Variants in RPS6KC1 observed in about 807,000 individuals in gnomAD.
RPS6KC1 encodes ribosomal protein S6 kinase C1.
RPS6KC1 carries 54 observed loss-of-function variants against 103.8 expected under a neutral mutation model. The observed-to-expected ratio is 0.52, with a 90% CI of 0.42 to 0.65. RPS6KC1 has a LOEUF of 0.65. Ranked by LOEUF, RPS6KC1 falls within the 30% of genes least tolerant of loss-of-function variation. RPS6KC1 has a pLI of 0.00. For synonymous variants in RPS6KC1, 439 were observed against 438.7 expected (o/e 1.00, Z -0.01); for missense variants, 1,151 against 1,253.8 (o/e 0.92, Z 1.24).
chr1:213,353,358 C>T, the RPS6KC1 span, among the ~76,000 whole-genome samples: 1 of 152,226 alleles, frequency 6.6e-6, no homozygotes, highest in Admixed American at 6.5e-5. Context: ...CATATCTTAG[C>T]TCCTTTGATC....
intron 4 of RPS6KC1, among the ~76,000 whole-genome samples, chr1:213,115,570 T>C (rs923732990): frequency 2.7e-4 from 41 of 152,228 alleles, no homozygotes; most frequent in African/African-American, 6.5e-4. Flanking sequence ...CTGCTCTGAT[T>C]TTAGTTATTT....
chr1:213,492,142 T>C, the RPS6KC1 span, among the ~76,000 whole-genome samples: 1 of 152,192 alleles, frequency 6.6e-6, no homozygotes, highest in Non-Finnish European at 1.5e-5. Context: ...CACCATTGTG[T>C]GCATAGAGGA....
chr1:213,448,740 T>C, the RPS6KC1 span, among the ~76,000 whole-genome samples: 3 of 145,700 alleles, frequency 2.1e-5, no homozygotes, highest in African/African-American at 7.7e-5. Flanking sequence ...TCAATCTCCA[T>C]CTCTTGGAGC....
chr1:213,620,859 G>A, the RPS6KC1 span, among the ~76,000 whole-genome samples: 1 of 152,098 alleles, frequency 6.6e-6, no homozygotes, highest in Non-Finnish European at 1.5e-5. Context: ...TAGGGAGGCC[G>A]TACTTACTAA....
the RPS6KC1 span, among the ~76,000 whole-genome samples, chr1:213,756,720 G>A: frequency 1.3e-5 from 2 of 151,948 alleles, no homozygotes; most frequent in Non-Finnish European, 2.9e-5. Flanking sequence ...GGGCTCAAGC[G>A]ATCCTCTCAC....
At chr1:213,188,339 A>G (rs538110156) in intron 8 of RPS6KC1, among the ~76,000 whole-genome samples, 6 of 152,044 alleles carry the variant, frequency 3.9e-5, no homozygotes, top group Non-Finnish European at 2.9e-5. Flanking sequence ...GCTTGGTGCC[A>G]GGCAGAATGG....
the RPS6KC1 span, among the ~76,000 whole-genome samples, chr1:213,750,683 A>G: frequency 6.6e-6 from 1 of 152,170 alleles, no homozygotes; most frequent in Non-Finnish European, 1.5e-5. Flanking sequence ...CAGGGCATCC[A>G]GGTAGAGATT....
At chr1:213,735,122 A>G in the RPS6KC1 span, among the ~76,000 whole-genome samples, 1 of 152,144 alleles carries the variant, frequency 6.6e-6, no homozygotes, top group African/African-American at 2.4e-5. Flanking sequence ...ATGGGGTTTC[A>G]CAGTGTTAGC....
At chr1:213,797,037 G>A in the RPS6KC1 span, among the ~76,000 whole-genome samples, 2 of 152,310 alleles carry the variant, frequency 1.3e-5, no homozygotes, top group East Asian at 1.9e-4. Flanking sequence ...GATGCAATCA[G>A]TTGATGACTA....
the RPS6KC1 span, among the ~76,000 whole-genome samples, chr1:213,384,865 G>A: frequency 3.3e-5 from 5 of 152,200 alleles, no homozygotes; most frequent in African/African-American, 7.2e-5. Context: ...TTGAAGCAGA[G>A]TGCTTTTAAG....
At chr1:213,860,089 G>A in the RPS6KC1 span, among the ~76,000 whole-genome samples, 3 of 151,040 alleles carry the variant, frequency 2.0e-5, no homozygotes, top group East Asian at 1.9e-4. Context: ...GAAAAAAGGT[G>A]TAAATATAGA....
At chr1:213,184,010 G>A (rs569884546) in intron 8 of RPS6KC1, among the ~76,000 whole-genome samples, 1 of 152,232 alleles carries the variant, frequency 6.6e-6, no homozygotes, top group African/African-American at 2.4e-5. Flanking sequence ...TGATAATTTA[G>A]ATGGAATGGA....
the RPS6KC1 span, among the ~76,000 whole-genome samples, chr1:213,501,712 G>A: frequency 6.7e-6 from 1 of 149,796 alleles, no homozygotes; most frequent in East Asian, 2.0e-4. Flanking sequence ...CCCAGCCTGG[G>A]CTACAGAGTG....
intron 6 of RPS6KC1, among the ~76,000 whole-genome samples, chr1:213,150,661 A>C (rs907194193): frequency 3.3e-5 from 5 of 151,998 alleles, no homozygotes; most frequent in African/African-American, 7.3e-5. Context: ...ATCCCAAGGC[A>C]GAAGAATTTT....
intron 2 of RPS6KC1, among the ~76,000 whole-genome samples, chr1:213,074,447 T>TCTAAATTTCTAAAA (rs2079130617): frequency 6.6e-6 from 1 of 152,254 alleles, no homozygotes; most frequent in African/African-American, 2.4e-5. Context: ...TTTCTAAATG[T>TCTAAATTTCTAAAA]GTCTCTGAGG....
intron 6 of RPS6KC1, among the ~76,000 whole-genome samples, chr1:213,146,203 C>T (rs1042773876): frequency 3.3e-5 from 5 of 151,386 alleles, no homozygotes; most frequent in African/African-American, 7.3e-5. Flanking sequence ...CCATCCATGG[C>T]GTCGCAAATG....
chr1:213,629,979 G>A, the RPS6KC1 span, among the ~76,000 whole-genome samples: 9 of 152,184 alleles, frequency 5.9e-5, no homozygotes, highest in Non-Finnish European at 4.4e-5. Flanking sequence ...GCTTGCCTTT[G>A]TGGGTAACGT....
intron 6 of RPS6KC1, among the ~76,000 whole-genome samples, chr1:213,137,915 T>G (rs1372666985): frequency 1.5e-5 from 2 of 135,178 alleles, no homozygotes; most frequent in Non-Finnish European, 3.1e-5. Context: ...GCCCTGGGAG[T>G]GCTGTTGTAG....
chr1:213,247,545 T>C (rs2094472845), intron 12 of RPS6KC1, among the ~76,000 whole-genome samples: 2 of 152,222 alleles, frequency 1.3e-5, no homozygotes, highest in Admixed American at 1.3e-4. Context: ...GGATGGAGTT[T>C]AAAATATCTT....
Sources: allele counts gnomAD v4.1 joint callset (sites outside exome capture counted in the v4.1 genomes callset), GRCh38; gene constraint gnomAD v4.1.1; transcripts MANE v1.5; gene names NCBI Gene and HGNC (gene_info 2026-07-23, HGNC 2026-07-21).